The following WNT7A variants were observed in gnomAD, a reference collection of about 807,000 sequenced individuals.
WNT7A encodes the protein protein Wnt-7a.
In WNT7A, 16 loss-of-function variants were observed where a neutral mutation model predicts 28.2. The observed-to-expected ratio is 0.57, with a 90% CI of 0.38 to 0.86. The LOEUF is 0.86. WNT7A is among the 40% of genes least tolerant of loss of function. WNT7A has a pLI of 0.00. For synonymous variants in WNT7A, 190 were observed against 195.9 expected (o/e 0.97, Z 0.25); for missense variants, 411 against 489.7 (o/e 0.84, Z 1.52).
intron 2 of WNT7A, among the ~76,000 whole-genome samples, chr3:13,858,070 T>C (rs1694775099): frequency 6.6e-6 from 1 of 152,194 alleles, no homozygotes; most frequent in South Asian, 2.1e-4. Context: ...CAAAGGCTTT[T>C]GGCTTGCCTG....
chr3:13,843,507 C>T (rs1447841403), intron 3 of WNT7A, among the ~76,000 whole-genome samples: 1 of 152,106 alleles, frequency 6.6e-6, no homozygotes, highest in Non-Finnish European at 1.5e-5. Context: ...TTCACACCTC[C>T]CCGCATGGTC....
At chr3:13,822,280 C>T (rs541442130) in intron 3 of WNT7A, among the ~76,000 whole-genome samples, 2 of 152,318 alleles carry the variant, frequency 1.3e-5, no homozygotes, top group South Asian at 4.1e-4. Context: ...TACATGATTG[C>T]TCATAGCAGC....
At chr3:13,841,197 A>G (rs1018282948) in intron 3 of WNT7A, among the ~76,000 whole-genome samples, 2 of 152,218 alleles carry the variant, frequency 1.3e-5, no homozygotes, top group African/African-American at 4.8e-5. Context: ...TTGCTGAATG[A>G]ATATGATTTT....
intron 3 of WNT7A, among the ~76,000 whole-genome samples, chr3:13,836,520 G>A: frequency 6.6e-6 from 1 of 152,336 alleles, no homozygotes; most frequent in African/African-American, 2.4e-5. Flanking sequence ...CTCACATGTG[G>A]CCAGGGGTGG....
In WNT7A at chr3:13,875,105, C is replaced by G. The variant is rs60269923; in HGVS notation, c.140G>C (p.Arg47Thr). The change falls in exon 2 of 4, where the codon AGA (arginine) becomes ACA (threonine). Residue 47 changes from arginine to threonine, a missense_variant. By Grantham distance (71) the Arg-to-Thr change is moderately conservative. Transcript: ENST00000285018. ...CCGGCTCTGGCAGATCGCCCGCTGT[C>G]TGGGAGCCAGGCCTGGGATCTTGTT... ...ICNKIPGLAP[R>T]QRAICQSRPD... 6.2e-7 allele frequency: 1 copy of G among 1,614,092 alleles called. No individual in the cohort carries two copies. Among genetic ancestry groups the G allele is most frequent in the African/African-American group, 1.3e-5 (1 of 74,924 alleles).
intron 3 of WNT7A, among the ~76,000 whole-genome samples, chr3:13,837,403 T>C (rs1299778127): frequency 1.3e-5 from 2 of 151,160 alleles, no homozygotes; most frequent in African/African-American, 2.4e-5. Flanking sequence ...TGAGGTACTT[T>C]GGGATGACTT....
chr3:13,840,825 A>G (rs1353818996), intron 3 of WNT7A, among the ~76,000 whole-genome samples: 1 of 152,048 alleles, frequency 6.6e-6, no homozygotes, highest in Non-Finnish European at 1.5e-5. Flanking sequence ...CCATCCATCC[A>G]TCTATATATC....
intron 3 of WNT7A, 30 bp downstream of exon 3, chr3:13,854,502 G>A (rs775082037): frequency 1.5e-5 from 24 of 1,613,500 alleles, no homozygotes; most frequent in East Asian, 4.5e-5. Flanking sequence ...CTCCGCGAGC[G>A]CCGCCCAGCT....
At chr3:13,865,994 G>A (rs1056011350) in intron 2 of WNT7A, among the ~76,000 whole-genome samples, 7 of 152,254 alleles carry the variant, frequency 4.6e-5, no homozygotes, top group Non-Finnish European at 1.0e-4. Context: ...TCTTGGACAG[G>A]ATGGTCCAGG....
intron 2 of WNT7A, among the ~76,000 whole-genome samples, chr3:13,873,781 C>T (rs1695061444): frequency 6.6e-6 from 1 of 152,102 alleles, no homozygotes; most frequent in Admixed American, 6.5e-5. Context: ...GGGTCAGGGG[C>T]ATGGGGCTGA....
In WNT7A at chr3:13,819,149, G is replaced by T; in HGVS notation, c.845C>A (p.Pro282Gln). Residue 282 changes from proline to glutamine, a missense_variant, in exon 4 of 4, where the codon CCG becomes CAG. By Grantham distance (76) the Pro-to-Gln change is moderately conservative. Coordinates refer to ENST00000285018, the MANE Select transcript of WNT7A (RefSeq NM_004625.4). ...EKSPNYCEED[P>Q]VTGSVGTQGR... ...CTGGGTGCCCACACTGCCGGTCACCGGGTCCTCCTCGCAGTAGTTGGGCGA... is the reference window on the plus strand; with the variant it reads ...CTGGGTGCCCACACTGCCGGTCACCTGGTCCTCCTCGCAGTAGTTGGGCGA... 2 of 1,614,204 alleles carry T rather than the reference G, an allele frequency of 1.2e-6. No homozygotes were observed. The highest frequency in any genetic ancestry group is 1.7e-6 in the Non-Finnish European group (2 of 1,180,034).
intron 2 of WNT7A, among the ~76,000 whole-genome samples, chr3:13,866,322 C>T (rs909427764): frequency 5.3e-5 from 8 of 152,246 alleles, no homozygotes; most frequent in African/African-American, 1.7e-4. Flanking sequence ...GTGTGCCAGG[C>T]ACAGTTCTGA....
At chr3:13,849,478 C>T (rs901971598) in intron 3 of WNT7A, among the ~76,000 whole-genome samples, 1 of 152,302 alleles carries the variant, frequency 6.6e-6, no homozygotes, top group African/African-American at 2.4e-5. Flanking sequence ...ACAGAGCAAG[C>T]ACTTGCCATA....
chr3:13,837,369 CT>C (rs1479928982), intron 3 of WNT7A, among the ~76,000 whole-genome samples: 3 of 151,838 alleles, frequency 2.0e-5, no homozygotes, highest in Non-Finnish European at 2.9e-5. Context: ...TCACATCCCC[CT>C]GTCTCACATC....
chr3:13,843,890 G>GTGCCCGCCACCT (rs1694500310), intron 3 of WNT7A, among the ~76,000 whole-genome samples: 2 of 151,962 alleles, frequency 1.3e-5, no homozygotes, highest in Admixed American at 6.6e-5. Context: ...GGGATTACAG[G>GTGCCCGCCACCT]TGCCCGCCAC....
At chr3:13,878,689 G>A (rs1187554597) in intron 1 of WNT7A, among the ~76,000 whole-genome samples, 3 of 152,184 alleles carry the variant, frequency 2.0e-5, no homozygotes, top group Non-Finnish European at 2.9e-5. Flanking sequence ...CCTCGCCGCA[G>A]CCCCTGCGGT....
chr3:13,865,063 G>A (rs1694890214), intron 2 of WNT7A, among the ~76,000 whole-genome samples: 1 of 152,170 alleles, frequency 6.6e-6, no homozygotes, highest in African/African-American at 2.4e-5. Context: ...TTCTGAGTAT[G>A]GTCAAGCTGT....
In WNT7A at chr3:13,818,959, C is replaced by CATCT; in HGVS notation, c.1031_1034dup (p.Met345IlefsTer122). 6.3e-7 allele frequency: 1 copy of CATCT among 1,580,488 alleles called. No individual in the cohort carries two copies. Among genetic ancestry groups the CATCT allele is most frequent in the Non-Finnish European group, 8.6e-7 (1 of 1,158,394 alleles). Reference sequence around the variant, plus strand: ...CACACGGGGCTCACTTGCACGTGTACATCTCCGTGCGCTCGCTGCACGTGT... The same window carrying CATCT: ...CACACGGGGCTCACTTGCACGTGTACATCTATCTCCGTGCGCTCGCTGCACGTGT... On this transcript the variant is annotated frameshift_variant, in exon 4 of 4. Transcript: ENST00000285018. LOFTEE classifies it high-confidence loss of function.
rs768537831 is a variant in WNT7A, at chr3:13,879,834, G to A, written c.-18C>T. 1 of 1,606,530 alleles carries A rather than the reference G, an allele frequency of 6.2e-7. No homozygotes were observed. Among genetic ancestry groups the A allele is most frequent in the Admixed American group, 1.7e-5 (1 of 59,588 alleles). ...CGGTTCATAGTCCCGATTGGCCGCC[G>A]GGGCCGCGGGCCGGGCTGTGCTGAT... is the stretch of plus-strand genomic sequence containing the variant. On this transcript the variant is annotated 5_prime_UTR_variant, in exon 1 of 4. Transcript: ENST00000285018.
Sources: allele counts gnomAD v4.1 joint callset (sites outside exome capture counted in the v4.1 genomes callset), GRCh38; gene constraint gnomAD v4.1.1; transcripts MANE v1.5; gene names NCBI Gene and HGNC (gene_info 2026-07-23, HGNC 2026-07-21).